Variants in NTRK2 observed in about 807,000 individuals in gnomAD.
NTRK2 encodes BDNF/NT-3 growth factors receptor.
Under a neutral mutation model 94.5 loss-of-function variants are expected in NTRK2, and 13 were observed. The observed-to-expected ratio is 0.14, with a 90% CI of 0.09 to 0.22. NTRK2 has a LOEUF of 0.22. Ranked by LOEUF, NTRK2 falls within the 10% of genes least tolerant of loss-of-function variation. The pLI is 1.00. For missense variants in NTRK2, 639 were observed against 1,071.2 expected (o/e 0.60, Z 5.63); for synonymous variants, 372 against 407.4 (o/e 0.91, Z 1.05).
At chr9:84,716,550 CTA>C (rs950072699) in intron 6 of NTRK2, among the ~76,000 whole-genome samples, 114 of 152,242 alleles carry the variant, frequency 7.5e-4, no homozygotes, top group African/African-American at 2.6e-3. Context: ...TATTAATGCT[CTA>C]TGTGGAAGTT....
chr9:84,751,526 A>G (rs2064610126), intron 11 of NTRK2, among the ~76,000 whole-genome samples: 1 of 152,120 alleles, frequency 6.6e-6, no homozygotes, highest in Non-Finnish European at 1.5e-5. Context: ...AGCTGCAGTG[A>G]GCCATGATTG....
At position 85,022,779 on chromosome 9, in the gene NTRK2, C is replaced by T. The variant is rs1427009551; in HGVS notation, c.*1342C>T. ...TATTAGCTGAGTATCAATGTCTCTG[C>T]GTTGTACGGTGGTGATGGGTTTTAA... On this transcript the variant is annotated 3_prime_UTR_variant, in exon 19 of 19. Coordinates refer to ENST00000277120, the MANE Select transcript of NTRK2 (RefSeq NM_006180.6). The T allele has an allele frequency of 1.3e-5, 3 of 232,950 alleles. No individual in the cohort carries two copies. Among genetic ancestry groups the T allele is most frequent in the East Asian group, 1.2e-4 (2 of 16,562 alleles). The allele number at this position is 232,950 out of a possible 1,614,324, so 14.4% of individuals were successfully genotyped here.
chr9:84,680,358 A>T (rs2059319371), intron 2 of NTRK2, among the ~76,000 whole-genome samples: 1 of 152,190 alleles, frequency 6.6e-6, no homozygotes, highest in South Asian at 2.1e-4. Context: ...TTCCTATGGT[A>T]GCAGTAATCC....
At chr9:85,014,916 T>C (rs939898519) in intron 17 of NTRK2, among the ~76,000 whole-genome samples, 1 of 152,246 alleles carries the variant, frequency 6.6e-6, no homozygotes, top group Non-Finnish European at 1.5e-5. Context: ...CTTTTCTTGA[T>C]ATATTTTAAA....
chr9:84,779,574 G>T (rs1434902753), intron 12 of NTRK2, among the ~76,000 whole-genome samples: 1 of 152,192 alleles, frequency 6.6e-6, no homozygotes, highest in Non-Finnish European at 1.5e-5. Context: ...TTCTTGTTCT[G>T]CAAAAGGGGC....
intron 12 of NTRK2, among the ~76,000 whole-genome samples, chr9:84,769,550 C>G (rs2066334562): frequency 6.6e-6 from 1 of 152,222 alleles, no homozygotes; most frequent in Non-Finnish European, 1.5e-5. Flanking sequence ...CAATTCAATT[C>G]AAACAGCATC....
intron 12 of NTRK2, chr9:84,810,763 G>T: frequency 1.4e-6 from 2 of 1,453,678 alleles, no homozygotes; most frequent in Non-Finnish European, 1.8e-6. Flanking sequence ...ACTGTGAGCT[G>T]TGATTGGGGA....
chr9:84,752,467 A>T (rs2064719505), intron 12 of NTRK2, among the ~76,000 whole-genome samples: 1 of 152,252 alleles, frequency 6.6e-6, no homozygotes, highest in Admixed American at 6.5e-5. Context: ...TGTACATTTG[A>T]TTCCCAAATC....
chr9:85,011,948 T>C (rs1240419991), intron 17 of NTRK2, among the ~76,000 whole-genome samples: 2 of 141,276 alleles, frequency 1.4e-5, no homozygotes, highest in African/African-American at 5.3e-5. Flanking sequence ...GAGAATCAAA[T>C]ATGTAGAGCA....
intron 4 of NTRK2, 80 bp downstream of exon 4, chr9:84,702,499 C>G (rs1588053517): frequency 8.0e-7 from 1 of 1,251,636 alleles, no homozygotes; most frequent in Non-Finnish European, 1.2e-6. Context: ...TCCTTCTTTT[C>G]CAACTTGAAA....
chr9:84,720,949 G>T (rs1347350803), intron 6 of NTRK2, among the ~76,000 whole-genome samples: 4 of 152,152 alleles, frequency 2.6e-5, no homozygotes, highest in Non-Finnish European at 5.9e-5. Context: ...AAGGATTAGA[G>T]AATTAAATGG....
intron 12 of NTRK2, among the ~76,000 whole-genome samples, chr9:84,828,124 C>T (rs1335219198): frequency 6.6e-6 from 1 of 152,134 alleles, no homozygotes; most frequent in African/African-American, 2.4e-5. Flanking sequence ...TTTTAATTAA[C>T]ATTTTGCAGA....
rs975591085 is a variant in NTRK2 at position 85,022,235 on chromosome 9, G to A, written c.*798G>A. On this transcript the variant is annotated 3_prime_UTR_variant, in exon 19 of 19. Coordinates refer to ENST00000277120, the MANE Select transcript of NTRK2 (RefSeq NM_006180.6). ...ACCTTCCCCTGAGGACCTTTCTGAG[G>A]AGTAAAAAGACTACTGGCCTCTGTG... 3.0e-5 allele frequency: 7 copies of A among 233,142 alleles called. No individual in the cohort carries two copies. Among genetic ancestry groups the A allele is most frequent in the African/African-American group, 1.3e-4 (6 of 45,340 alleles). The allele number at this position is 233,142 out of a possible 1,614,324, so 14.4% of individuals were successfully genotyped here.
At chr9:84,931,685 T>C (rs1413826026) in intron 14 of NTRK2, among the ~76,000 whole-genome samples, 1 of 137,076 alleles carries the variant, frequency 7.3e-6, no homozygotes, top group African/African-American at 2.8e-5. Flanking sequence ...CTGCTTGGAC[T>C]GCGAAAAGAA....
chr9:85,012,163 A>G (rs973032035), intron 17 of NTRK2, among the ~76,000 whole-genome samples: 3 of 151,278 alleles, frequency 2.0e-5, no homozygotes, highest in Non-Finnish European at 4.4e-5. Context: ...TAATTTTTGT[A>G]TTTTTAGTAG....
chr9:84,874,314 T>C, intron 14 of NTRK2: 1 of 1,065,280 alleles, frequency 9.4e-7, no homozygotes, highest in Non-Finnish European at 1.1e-6. Flanking sequence ...ACCGGAGTTT[T>C]TCTTGGATGT....
chr9:85,009,125 T>G (rs531469588), intron 17 of NTRK2, among the ~76,000 whole-genome samples: 204 of 152,300 alleles, frequency 1.3e-3, no homozygotes, highest in African/African-American at 4.8e-3. Context: ...CCAACAGGAG[T>G]CTGACTGGGT....
intron 2 of NTRK2, among the ~76,000 whole-genome samples, chr9:84,683,819 G>A (rs866948101): frequency 4.6e-5 from 7 of 152,250 alleles, no homozygotes; most frequent in South Asian, 4.1e-4. Context: ...GTGTAAAAGC[G>A]TTCCTATTTC....
intron 12 of NTRK2, among the ~76,000 whole-genome samples, chr9:84,821,292 G>A (rs2072806530): frequency 6.7e-6 from 1 of 150,268 alleles, no homozygotes; most frequent in Admixed American, 6.7e-5. Flanking sequence ...GTGCGAGAGA[G>A]AGAGAGCAAG....
Sources: allele counts gnomAD v4.1 joint callset (sites outside exome capture counted in the v4.1 genomes callset), GRCh38; gene constraint gnomAD v4.1.1; transcripts MANE v1.5; gene names NCBI Gene and HGNC (gene_info 2026-07-23, HGNC 2026-07-21).